DOCK2: variants seen among roughly 807,000 people sequenced by gnomAD.
The protein encoded by DOCK2 is dedicator of cytokinesis protein 2.
Under a neutral mutation model 248.9 loss-of-function variants are expected in DOCK2, and 87 were observed. The observed-to-expected ratio is 0.35, with a 90% CI of 0.29 to 0.42. The LOEUF (loss-of-function observed/expected upper bound fraction) is 0.42, where lower values mean the gene tolerates loss of function less well. DOCK2 is among the 10% of genes least tolerant of loss of function. The pLI is 1.00. For missense variants in DOCK2, 1,747 were observed against 2,300.2 expected (o/e 0.76, Z 4.92); for synonymous variants, 805 against 821.6 (o/e 0.98, Z 0.35).
At chr5:169,792,263 C>A (rs1271772563) in intron 25 of DOCK2, among the ~76,000 whole-genome samples, 1 of 152,104 alleles carries the variant, frequency 6.6e-6, no homozygotes, top group Non-Finnish European at 1.5e-5. Flanking sequence ...CACAGATCTT[C>A]ATAGTCACAA....
intron 26 of DOCK2, among the ~76,000 whole-genome samples, chr5:169,824,369 A>C (rs913194630): frequency 6.6e-6 from 1 of 152,224 alleles, no homozygotes; most frequent in South Asian, 2.1e-4. Flanking sequence ...CTGACTTCAA[A>C]CTATACTACA....
intron 22 of DOCK2, 101 bp from the exon 23 acceptor site, chr5:169,747,295 T>A: frequency 9.6e-7 from 1 of 1,045,238 alleles, no homozygotes; most frequent in South Asian, 1.7e-5. Flanking sequence ...CACCTCCCAC[T>A]CCTTTTTGTT....
In DOCK2 at chr5:170,008,726, G is replaced by A. The variant is rs750051021; in HGVS notation, c.3212G>A (p.Arg1071His). The stretch of plus-strand genomic sequence containing the variant: ...AGACGGCTAATTGGCTTCTCCATCC[G>A]TGATATGTGGTACAAGCTTGGTGAG... ...DMRRLIGFSIRDMWYKLGQNK... is the reference protein window; with the variant it reads ...DMRRLIGFSIHDMWYKLGQNK... The change falls in exon 32 of 52, where the codon CGT becomes CAT. Residue 1071 changes from arginine to histidine, a missense_variant. Transcript: ENST00000520908. 1.3e-5 allele frequency: 21 copies of A among 1,613,906 alleles called. No homozygotes were observed. The highest frequency in any genetic ancestry group is 5.0e-5 in the Admixed American group (3 of 59,988).
chr5:169,722,805 G>A (rs1380212353), intron 22 of DOCK2, among the ~76,000 whole-genome samples: 1 of 152,072 alleles, frequency 6.6e-6, no homozygotes, highest in Non-Finnish European at 1.5e-5. Context: ...GAAATTCCAG[G>A]GTCTTGATTC....
chr5:169,670,658 T>C (rs993453937), intron 4 of DOCK2, 61 bp downstream of exon 4: 15 of 1,582,410 alleles, frequency 9.5e-6, no homozygotes, highest in African/African-American at 1.4e-5. Context: ...TCTGTCCTGT[T>C]TATTTTGAAA....
At chr5:170,031,357 T>C (rs546833510) in intron 34 of DOCK2, among the ~76,000 whole-genome samples, 1 of 152,262 alleles carries the variant, frequency 6.6e-6, no homozygotes, top group African/African-American at 2.4e-5. Flanking sequence ...ATCCTCCCTC[T>C]AAAAGCCTCC....
intron 27 of DOCK2, among the ~76,000 whole-genome samples, chr5:169,912,298 C>A (rs927300890): frequency 1.3e-5 from 2 of 151,944 alleles, no homozygotes; most frequent in African/African-American, 4.8e-5. Flanking sequence ...GAGCCCAAGC[C>A]GTTATTTATG....
chr5:169,767,820 A>G (rs1042976861), intron 25 of DOCK2, among the ~76,000 whole-genome samples: 5 of 152,266 alleles, frequency 3.3e-5, no homozygotes, highest in Non-Finnish European at 5.9e-5. Flanking sequence ...ATAAATATAT[A>G]TTAAGTTTTT....
chr5:169,728,553 A>C (rs942926960), intron 22 of DOCK2, among the ~76,000 whole-genome samples: 4 of 152,140 alleles, frequency 2.6e-5, no homozygotes, highest in Non-Finnish European at 4.4e-5. Context: ...CAGGTGCTAC[A>C]GGGAGATCAT....
intron 1 of DOCK2, among the ~76,000 whole-genome samples, chr5:169,648,700 C>G (rs1188625622): frequency 6.6e-6 from 1 of 152,180 alleles, no homozygotes; most frequent in Non-Finnish European, 1.5e-5. Context: ...ATCTGTAAAA[C>G]AGAGACGATA....
intron 27 of DOCK2, among the ~76,000 whole-genome samples, chr5:169,920,297 T>C (rs1581417818): frequency 6.6e-6 from 1 of 152,168 alleles, no homozygotes; most frequent in East Asian, 1.9e-4. Context: ...TAAAATATAA[T>C]ATTATGTAAG....
intron 48 of DOCK2, 107 bp downstream of exon 48, chr5:170,077,944 C>G (rs1272630401): frequency 1.1e-5 from 10 of 936,626 alleles, no homozygotes; most frequent in Non-Finnish European, 1.6e-5. Context: ...TTCCCTTCCT[C>G]CTTTCAGTTT....
intron 27 of DOCK2, among the ~76,000 whole-genome samples, chr5:169,932,233 C>CAAA (rs1775790130): frequency 7.2e-5 from 11 of 152,102 alleles, no homozygotes; most frequent in Admixed American, 1.3e-4. Context: ...GAGGGTGGGT[C>CAAA]CCTGAGTTTA....
rs1755659527 is a variant in DOCK2, at chr5:170,019,822, T to C, written c.3381+714T>C. On this transcript the variant is annotated intron_variant, in intron 33 of 51. Coordinates refer to ENST00000520908, the MANE Select transcript of DOCK2 (RefSeq NM_004946.3). ...TTACCCTGTTTAGGAAGGTTGGTCTTTAAGTCCCATCAAGGCTGCCTGAGC... is the reference window on the plus strand; with the variant it reads ...TTACCCTGTTTAGGAAGGTTGGTCTCTAAGTCCCATCAAGGCTGCCTGAGC... Among the ~76,000 whole-genome samples, 10 of 152,030 alleles carry C rather than the reference T, an allele frequency of 6.6e-5. No homozygotes were observed. In the South Asian group the frequency reaches 2.1e-3, roughly 32 times the overall value.
At chr5:169,681,231 C>T (rs1031357586) in intron 6 of DOCK2, among the ~76,000 whole-genome samples, 1 of 144,400 alleles carries the variant, frequency 6.9e-6, no homozygotes, top group Admixed American at 7.2e-5. Flanking sequence ...TCAAGAAATT[C>T]TCCTGTCTCA....
chr5:170,081,872 G>C lies in DOCK2; in HGVS notation c.5318G>C (p.Gly1773Ala). Reference sequence around the variant, plus strand: ...GCGCTCTCAGTGGCAGGCATCCCTGGGTTGGATGAGGCCAACACATCTCCC... The same window carrying C: ...GCGCTCTCAGTGGCAGGCATCCCTGCGTTGGATGAGGCCAACACATCTCCC... Reference protein sequence around the residue: ...ALALSVAGIPGLDEANTSPRL... With the variant: ...ALALSVAGIPALDEANTSPRL... Residue 1773 changes from glycine to alanine, a missense_variant, in exon 51 of 52, where the codon GGG (glycine) becomes GCG (alanine). Physicochemically the swap from Gly to Ala is moderately conservative, Grantham distance 60. This residue lies in a region of DOCK2 where 513 missense variants were observed against 586.1 expected (regional missense o/e 0.88). Coordinates refer to ENST00000520908, the MANE Select transcript of DOCK2 (RefSeq NM_004946.3). 1 of 1,613,464 alleles carries C rather than the reference G, an allele frequency of 6.2e-7. No individual in the cohort carries two copies. Among genetic ancestry groups the C allele is most frequent in the African/African-American group, 1.3e-5 (1 of 74,804 alleles).
At chr5:169,664,202 G>A (rs1758598174) in intron 2 of DOCK2, among the ~76,000 whole-genome samples, 1 of 152,176 alleles carries the variant, frequency 6.6e-6, no homozygotes. Context: ...CCAGTCTTTT[G>A]CCAAAGCATA....
intron 50 of DOCK2, chr5:170,080,524 C>G (rs762167849): frequency 1.9e-6 from 1 of 522,774 alleles, no homozygotes; most frequent in Non-Finnish European, 3.3e-6. Context: ...TCCCTTGGGC[C>G]CTCAGGATTC....
chr5:169,787,157 G>T (rs1014686356), intron 25 of DOCK2, among the ~76,000 whole-genome samples: 4 of 152,116 alleles, frequency 2.6e-5, no homozygotes, highest in Admixed American at 6.5e-5. Context: ...TTCCACTTCC[G>T]CACTCTGCTC....
Sources: gnomAD v4.1 joint callset for allele counts (sites outside exome capture counted in the v4.1 genomes callset) on GRCh38, gnomAD v4.1.1 for gene constraint, gnomAD v4.1.1 regional missense constraint, MANE v1.5 for transcripts, NCBI Gene and HGNC (gene_info 2026-07-23, HGNC 2026-07-21) for gene names.